ABHD12: variants seen among roughly 807,000 people sequenced by gnomAD.
ABHD12 encodes lysophosphatidylserine lipase ABHD12.
ABHD12 carries 43 observed loss-of-function variants against 58.3 expected under a neutral mutation model. The observed-to-expected ratio is 0.74, with a 90% confidence interval of 0.58 to 0.95. The LOEUF (loss-of-function observed/expected upper bound fraction) is 0.95. Ranked by LOEUF, ABHD12 falls within the 40% of genes least tolerant of loss-of-function variation. The pLI is 0.00. For missense variants in ABHD12, 539 were observed against 537.2 expected, an observed-to-expected ratio of 1.00 and a Z score of -0.03; for synonymous variants, 219 against 211.2, an observed-to-expected ratio of 1.04 and a Z score of -0.32.
downstream of ABHD12, chr20:25,296,864 C>T (rs200280321): frequency 5.9e-4 from 160 of 272,348 alleles, no homozygotes; most frequent in South Asian, 4.7e-3. Context: ...ATGTATTAGC[C>T]GATGTCTTTA....
In ABHD12 at chr20:25,378,844, G is replaced by A. The variant is rs73331819; in HGVS notation, c.191+11669C>T. Among the ~76,000 whole-genome samples, 997 of 152,102 alleles carry A rather than the reference G, an allele frequency of 6.6e-3. 16 individuals carry two copies. The highest frequency in any genetic ancestry group is 0.023 in the African/African-American group (955 of 41,480). ...CACCTTTACAAACCCAAAAGTCCTG[G>A]CTTTCTCAGCCTTTCCCACACCAAC... On this transcript the variant is annotated intron_variant, in intron 1 of 12. Transcript: ENST00000339157.
At chr20:25,328,055 G>C (rs1375272727) in intron 2 of ABHD12, among the ~76,000 whole-genome samples, 1 of 151,250 alleles carries the variant, frequency 6.6e-6, no homozygotes, top group African/African-American at 2.4e-5. Flanking sequence ...TCTGATCCCT[G>C]AATGCTACGG....
intron 1 of ABHD12, among the ~76,000 whole-genome samples, chr20:25,365,762 G>C (rs948446663): frequency 6.6e-6 from 1 of 152,166 alleles, no homozygotes; most frequent in African/African-American, 2.4e-5. Context: ...AATTAATAAA[G>C]TGTTCACCAG....
intron 1 of ABHD12, chr20:25,368,396 T>C: frequency 6.3e-7 from 1 of 1,593,978 alleles, no homozygotes; most frequent in Non-Finnish European, 8.6e-7. Context: ...GACCACATGC[T>C]TGCCATCCAA....
Position 25,314,825 on chromosome 20 carries a change from G to A in ABHD12, c.619+100C>T, listed in dbSNP as rs1014233267. ...CCATCACAGCACAGGCAAAGCAGGC[G>A]CTGGCCTTGCTCCGAGCCTCTTCGA... On this transcript the variant is annotated intron_variant, in intron 6 of 12. Transcript: ENST00000339157. The A allele has an allele frequency of 2.6e-5, 34 of 1,297,774 alleles. No individual in the cohort carries two copies. In the East Asian group the frequency reaches 6.2e-4, roughly 24 times the overall value. The allele number at this position is 1,297,774 out of a possible 1,614,324, so 80.4% of individuals were successfully genotyped here.
chr20:25,346,448 C>G (rs1030191406), intron 1 of ABHD12, among the ~76,000 whole-genome samples: 30 of 151,900 alleles, frequency 2.0e-4, no homozygotes, highest in African/African-American at 6.3e-4. Context: ...AAGAGTGAAC[C>G]CTACTTAATG....
intron 2 of ABHD12, among the ~76,000 whole-genome samples, chr20:25,332,093 A>C (rs1383913646): frequency 2.6e-5 from 4 of 152,156 alleles, no homozygotes; most frequent in Non-Finnish European, 4.4e-5. Context: ...TAGGTTCAAA[A>C]TAAAAGGATG....
chr20:25,352,003 A>T (rs1159023820), intron 1 of ABHD12, among the ~76,000 whole-genome samples: 2 of 152,038 alleles, frequency 1.3e-5, no homozygotes, highest in Non-Finnish European at 2.9e-5. Context: ...TTTTATTTTT[A>T]TTTTTTGAGA....
At chr20:25,353,581 G>A (rs2089630152) in intron 1 of ABHD12, among the ~76,000 whole-genome samples, 1 of 152,150 alleles carries the variant, frequency 6.6e-6, no homozygotes, top group African/African-American at 2.4e-5. Context: ...ATTCTGTACA[G>A]GCTGGGCTGC....
chr20:25,366,193 GT>G (rs375665460), intron 1 of ABHD12, among the ~76,000 whole-genome samples: 1 of 151,378 alleles, frequency 6.6e-6, no homozygotes, highest in African/African-American at 2.4e-5. Flanking sequence ...TTACCTATGA[GT>G]TGCAAATATT....
chr20:25,343,749 C>T (rs540604668), intron 1 of ABHD12, among the ~76,000 whole-genome samples: 7 of 152,030 alleles, frequency 4.6e-5, no homozygotes, highest in Admixed American at 2.0e-4. Context: ...GAGCTGAGAT[C>T]GCACCACTGC....
intron 7 of ABHD12, 79 bp downstream of exon 7, chr20:25,309,367 G>T: frequency 6.2e-7 from 1 of 1,600,088 alleles, no homozygotes; most frequent in South Asian, 1.1e-5. Context: ...CAGGGATGGT[G>T]GACTCTCTAG....
chr20:25,355,552 GT>G (rs1435978420), intron 1 of ABHD12, among the ~76,000 whole-genome samples: 1 of 150,116 alleles, frequency 6.7e-6, no homozygotes, highest in East Asian at 2.0e-4. Flanking sequence ...AGTATAAACG[GT>G]TTTTTTTTTG....
intron 1 of ABHD12, among the ~76,000 whole-genome samples, chr20:25,340,296 A>T (rs2089438318): frequency 6.6e-6 from 1 of 152,250 alleles, no homozygotes; most frequent in South Asian, 2.1e-4. Flanking sequence ...CAATACAAAA[A>T]ATTTTAGTGA....
chr20:25,387,672 C>T (rs2090110903), intron 1 of ABHD12, among the ~76,000 whole-genome samples: 1 of 151,228 alleles, frequency 6.6e-6, no homozygotes, highest in Non-Finnish European at 1.5e-5. Flanking sequence ...CCCAGGAGGT[C>T]TGGGCTGCAG....
chr20:25,335,957 T>A (rs538327308), intron 2 of ABHD12, among the ~76,000 whole-genome samples: 28 of 149,634 alleles, frequency 1.9e-4, no homozygotes, highest in Admixed American at 1.9e-3. Flanking sequence ...TAAAGTATAA[T>A]AATAATAAAT....
chr20:25,367,391 T>C (rs953145743), intron 1 of ABHD12, among the ~76,000 whole-genome samples: 10 of 152,226 alleles, frequency 6.6e-5, no homozygotes, highest in African/African-American at 2.4e-4. Flanking sequence ...TAAGAAATTT[T>C]ACACATTTTT....
At position 25,321,605 on chromosome 20, in the gene ABHD12, T is replaced by C. The variant is rs540275272; in HGVS notation, c.423-1287A>G. 1.2e-3 allele frequency among the ~76,000 whole-genome samples: 176 copies of C among 152,222 alleles called. 1 individual carries two copies. The highest frequency in any genetic ancestry group is 2.6e-3 in the Admixed American group (39 of 15,288). On this transcript the variant is annotated intron_variant, in intron 3 of 12. Coordinates refer to ENST00000339157, the MANE Select transcript of ABHD12 (RefSeq NM_001042472.3). The stretch of plus-strand genomic sequence containing the variant: ...ACTGCCTTGACACTTGCCACTGACA[T>C]CACTAAACAAAACCTTTTCTGGTAG...
intron 3 of ABHD12, 73 bp from the exon 4 acceptor site, chr20:25,320,391 G>T (rs2089044517): frequency 1.3e-6 from 2 of 1,598,208 alleles, no homozygotes; most frequent in African/African-American, 2.7e-5. Context: ...TGCACGTGGT[G>T]TTACTTAATC....
Sources: gnomAD v4.1 joint callset for allele counts (sites outside exome capture counted in the v4.1 genomes callset) on GRCh38, gnomAD v4.1.1 for gene constraint, MANE v1.5 for transcripts, NCBI Gene and HGNC (gene_info 2026-07-23, HGNC 2026-07-21) for gene names.